ARID5B: variants seen among roughly 807,000 people sequenced by gnomAD.
The protein encoded by ARID5B is AT-rich interaction domain 5B, also known as AT-rich interactive domain-containing protein 5B.
Under a neutral mutation model 97.2 loss-of-function variants are expected in ARID5B, and 13 were observed. The observed-to-expected ratio is 0.13, with a 90% CI of 0.09 to 0.21. The LOEUF (loss-of-function observed/expected upper bound fraction) is 0.21. Ranked by LOEUF, ARID5B falls within the 10% of genes least tolerant of loss-of-function variation. The probability of loss-of-function intolerance (pLI) is 1.00; values close to 1 mark genes in which losing one functional copy is unlikely to be tolerated. For synonymous variants in ARID5B, 556 were observed against 570.3 expected (o/e 0.97, Z 0.36); for missense variants, 1,210 against 1,465.3 (o/e 0.83, Z 2.84).
intron 3 of ARID5B, among the ~76,000 whole-genome samples, chr10:61,958,953 C>T (rs1838432232): frequency 6.6e-6 from 1 of 152,192 alleles, no homozygotes; most frequent in South Asian, 2.1e-4. Context: ...GTTTCATTTG[C>T]TTCATAATTA....
intron 2 of ARID5B, among the ~76,000 whole-genome samples, chr10:61,915,603 G>T (rs1843887579): frequency 6.6e-6 from 1 of 152,160 alleles, no homozygotes; most frequent in South Asian, 2.1e-4. Flanking sequence ...GGAGGGACCA[G>T]TTGGTCTAGG....
chr10:61,939,268 T>TA (rs1254437350), intron 2 of ARID5B, among the ~76,000 whole-genome samples: 2 of 152,166 alleles, frequency 1.3e-5, no homozygotes, highest in African/African-American at 2.4e-5. Context: ...TAACTTAACT[T>TA]AAAACCCAGT....
intron 7 of ARID5B, among the ~76,000 whole-genome samples, chr10:62,062,779 C>CAA (rs55969343): frequency 2.2e-4 from 19 of 86,162 alleles, no homozygotes; most frequent in African/African-American, 6.0e-4. Context: ...GGCCTTTGTG[C>CAA]AAAAAAAAAA....
intron 3 of ARID5B, among the ~76,000 whole-genome samples, chr10:61,947,604 G>A (rs1838256966): frequency 6.6e-6 from 1 of 152,044 alleles, no homozygotes; most frequent in Non-Finnish European, 1.5e-5. Flanking sequence ...AATACATATG[G>A]TTATAACACA....
intron 3 of ARID5B, among the ~76,000 whole-genome samples, chr10:61,997,042 A>G (rs1039551665): frequency 2.0e-5 from 3 of 152,076 alleles, no homozygotes; most frequent in African/African-American, 7.2e-5. Context: ...CCTAGACCCC[A>G]GCCTTAGAGA....
intron 2 of ARID5B, among the ~76,000 whole-genome samples, chr10:61,921,135 G>A (rs1844007351): frequency 6.6e-6 from 1 of 152,218 alleles, no homozygotes; most frequent in African/African-American, 2.4e-5. Context: ...ATACAATGGT[G>A]TGTAAATGTG....
intron 3 of ARID5B, among the ~76,000 whole-genome samples, chr10:61,952,580 T>C (rs1395244716): frequency 2.0e-5 from 3 of 152,230 alleles, no homozygotes; most frequent in Non-Finnish European, 2.9e-5. Context: ...GAGTTCTCTG[T>C]TCTTAGTCTA....
intron 3 of ARID5B, among the ~76,000 whole-genome samples, chr10:61,972,100 A>T (rs1838635599): frequency 6.6e-6 from 1 of 152,148 alleles, no homozygotes; most frequent in Admixed American, 6.5e-5. Context: ...GAAAAAAATT[A>T]TCCAGAATAC....
intron 3 of ARID5B, among the ~76,000 whole-genome samples, chr10:61,983,733 C>A (rs1838807869): frequency 6.8e-6 from 1 of 148,042 alleles, no homozygotes; most frequent in Non-Finnish European, 1.5e-5. Context: ...GAAGTTGTGG[C>A]AAGCCAAGTG....
At chr10:61,956,414 A>G (rs780137192) in intron 3 of ARID5B, among the ~76,000 whole-genome samples, 34 of 152,236 alleles carry the variant, frequency 2.2e-4, no homozygotes, top group Non-Finnish European at 5.0e-4. Context: ...CTAGTGCCAA[A>G]AAGTTTGGGG....
intron 3 of ARID5B, among the ~76,000 whole-genome samples, chr10:61,972,056 A>G (rs2083416739): frequency 6.6e-6 from 1 of 152,140 alleles, no homozygotes; most frequent in South Asian, 2.1e-4. Context: ...AAAACAATCC[A>G]TGTTTATCAT....
intron 3 of ARID5B, among the ~76,000 whole-genome samples, chr10:61,954,380 TAAAA>T (rs1312199950): frequency 2.0e-5 from 3 of 151,362 alleles, no homozygotes; most frequent in African/African-American, 7.3e-5. Context: ...AATAAATAAA[TAAAA>T]ATAAAATAAA....
At chr10:61,938,522 AT>A (rs1377136765) in intron 2 of ARID5B, among the ~76,000 whole-genome samples, 6 of 152,186 alleles carry the variant, frequency 3.9e-5, no homozygotes, top group Admixed American at 3.9e-4. Flanking sequence ...ACATTTAATA[AT>A]CACCATGAAA....
intron 7 of ARID5B, among the ~76,000 whole-genome samples, chr10:62,065,357 C>T (rs567649869): frequency 2.6e-5 from 4 of 152,146 alleles, no homozygotes; most frequent in East Asian, 1.9e-4. Context: ...TCTTTCTTTT[C>T]GTGACACCAT....
At chr10:61,921,009 A>G (rs1441812409) in intron 2 of ARID5B, among the ~76,000 whole-genome samples, 1 of 152,256 alleles carries the variant, frequency 6.6e-6, no homozygotes, top group Non-Finnish European at 1.5e-5. Flanking sequence ...GGATTTAGGC[A>G]GTTGCATGAA....
At chr10:61,933,745 A>C (rs1366346717) in intron 2 of ARID5B, among the ~76,000 whole-genome samples, 1 of 152,190 alleles carries the variant, frequency 6.6e-6, no homozygotes, top group Non-Finnish European at 1.5e-5. Context: ...CTCTCAATCC[A>C]GCTTCATTTT....
rs781099794 is a variant in ARID5B, at chr10:62,091,077, C to T, written c.1614C>T (p.Pro538=). 17 of 1,613,818 alleles carry T rather than the reference C, an allele frequency of 1.1e-5. No individual in the cohort carries two copies. In the East Asian group the frequency reaches 3.1e-4, roughly 30 times the overall value. The change falls in exon 10 of 10, where the codon CCC becomes CCT. Residue 538 remains proline (P), a synonymous_variant. Transcript: ENST00000279873. ...KVAEEAGEKG[P]TPPLPSAPLA... ...CAGAGGAGGCGGGAGAGAAGGGGCCCACACCTCCACTCCCAAGTGCTCCTC... is the reference window on the plus strand; with the variant it reads ...CAGAGGAGGCGGGAGAGAAGGGGCCTACACCTCCACTCCCAAGTGCTCCTC...
At chr10:61,979,282 T>G (rs991869507) in intron 3 of ARID5B, among the ~76,000 whole-genome samples, 1 of 152,206 alleles carries the variant, frequency 6.6e-6, no homozygotes, top group African/African-American at 2.4e-5. Context: ...TGTGGAACAG[T>G]TATTTAAATA....
chr10:62,017,700 T>C (rs1252419026), intron 4 of ARID5B, among the ~76,000 whole-genome samples: 1 of 152,228 alleles, frequency 6.6e-6, no homozygotes, highest in Non-Finnish European at 1.5e-5. Context: ...AAAAGTTTGA[T>C]GGCAGAACAG....
Sources: gnomAD v4.1 joint callset for allele counts (sites outside exome capture counted in the v4.1 genomes callset) on GRCh38, gnomAD v4.1.1 for gene constraint, MANE v1.5 for transcripts, NCBI Gene and HGNC (gene_info 2026-07-23, HGNC 2026-07-21) for gene names.